The following PCDH11Y variants were observed in gnomAD, a reference collection of about 807,000 sequenced individuals.
The protein encoded by PCDH11Y is protocadherin 11 Y-linked.
For synonymous variants in PCDH11Y, 9 were observed against 83.6 expected (o/e 0.11, Z 4.87); for missense variants, 12 against 224.8 (o/e 0.05, Z 6.05).
At chrY:5,178,255 T>C in intron 2 of PCDH11Y, among the ~76,000 whole-genome samples, 1 of 33,606 alleles carries the variant, frequency 3.0e-5, no homozygotes, top group Admixed American at 2.7e-4. Flanking sequence ...TAACCACAAA[T>C]TGCTATCTAC....
chrY:5,545,319 A>AACTTTTT (rs2053412005), intron 3 of PCDH11Y, among the ~76,000 whole-genome samples: 1 of 32,025 alleles, frequency 3.1e-5, no homozygotes, highest in Non-Finnish European at 7.8e-5. Context: ...TGTCATTTAA[A>AACTTTTT]ACTTTTTAAA....
At chrY:5,383,309 C>T in intron 2 of PCDH11Y, among the ~76,000 whole-genome samples, 3 of 31,199 alleles carry the variant, frequency 9.6e-5, no homozygotes, top group Non-Finnish European at 2.3e-4. Flanking sequence ...TAGAGCCTGG[C>T]CAACATGGAG....
At chrY:5,384,275 C>G in intron 2 of PCDH11Y, among the ~76,000 whole-genome samples, 8 of 31,530 alleles carry the variant, frequency 2.5e-4, no homozygotes, top group Non-Finnish European at 3.8e-4. Context: ...TGTGTTCTCT[C>G]TCATGTGACC....
intron 1 of PCDH11Y, among the ~76,000 whole-genome samples, chrY:5,085,384 T>G: frequency 3.0e-5 from 1 of 33,693 alleles, no homozygotes; most frequent in South Asian, 6.4e-4. Flanking sequence ...TTACTTTTGA[T>G]TGGTTCATTG....
chrY:5,165,807 A>T, intron 2 of PCDH11Y, among the ~76,000 whole-genome samples: 1 of 33,091 alleles, frequency 3.0e-5, no homozygotes, highest in Admixed American at 2.8e-4. Context: ...TAACTGATAA[A>T]TCTCTAGCCA....
At chrY:5,737,166 A>G (rs1602965639) in intron 4 of PCDH11Y, 106 bp from the exon 6 acceptor site, 2 of 283,936 alleles carry the variant, frequency 7.0e-6, no homozygotes, top group African/African-American at 1.5e-4. Flanking sequence ...ATGCATTTGT[A>G]TATAGGTTGT....
At chrY:5,593,812 G>A in intron 4 of PCDH11Y, among the ~76,000 whole-genome samples, 2 of 31,889 alleles carry the variant, frequency 6.3e-5, no homozygotes, top group African/African-American at 2.5e-4. Context: ...TCTATACTAC[G>A]TGCTGTAACT....
chrY:5,597,311 G>A (rs2053467956), intron 4 of PCDH11Y, among the ~76,000 whole-genome samples: 6 of 23,950 alleles, frequency 2.5e-4, no homozygotes, highest in East Asian at 1.1e-3. Flanking sequence ...GTATATATAC[G>A]TATGTATATA....
chrY:5,513,204 T>G, intron 3 of PCDH11Y, among the ~76,000 whole-genome samples: 1 of 31,471 alleles, frequency 3.2e-5, no homozygotes, highest in African/African-American at 1.3e-4. Flanking sequence ...CTAATTTTTT[T>G]TTGTATTTTT....
intron 2 of PCDH11Y, among the ~76,000 whole-genome samples, chrY:5,436,345 A>T: frequency 3.0e-5 from 1 of 33,621 alleles, no homozygotes; most frequent in East Asian, 7.9e-4. Context: ...AATTACTATA[A>T]CATTTCCCAG....
chrY:5,670,616 A>AT (rs2053548207), intron 4 of PCDH11Y, among the ~76,000 whole-genome samples: 23 of 29,823 alleles, frequency 7.7e-4, no homozygotes, highest in South Asian at 2.1e-3. Flanking sequence ...TCTTTTGCCC[A>AT]TTTTTTTTTT....
At chrY:5,378,147 C>T in intron 2 of PCDH11Y, among the ~76,000 whole-genome samples, 2 of 32,433 alleles carry the variant, frequency 6.2e-5, no homozygotes, top group South Asian at 1.4e-3. Flanking sequence ...ATCTGACAAT[C>T]GACCTACAGG....
intron 4 of PCDH11Y, among the ~76,000 whole-genome samples, chrY:5,727,792 G>A: frequency 1.9e-4 from 6 of 32,298 alleles, no homozygotes; most frequent in Non-Finnish European, 3.1e-4. Flanking sequence ...TTATATTTAC[G>A]TACAATAAAA....
intron 2 of PCDH11Y, among the ~76,000 whole-genome samples, chrY:5,326,890 G>T (rs2053121770): frequency 3.0e-5 from 1 of 33,076 alleles, no homozygotes; most frequent in African/African-American, 1.2e-4. Flanking sequence ...GCAGACATGA[G>T]GGCTAGGCTA....
intron 4 of PCDH11Y, among the ~76,000 whole-genome samples, chrY:5,635,791 A>G: frequency 5.8e-5 from 2 of 34,263 alleles, no homozygotes; most frequent in African/African-American, 2.3e-4. Context: ...TATACTTTAC[A>G]TATAGGTTTA....
At chrY:5,007,888 T>A in intron 1 of PCDH11Y, among the ~76,000 whole-genome samples, 1 of 32,724 alleles carries the variant, frequency 3.1e-5, no homozygotes, top group Non-Finnish European at 7.5e-5. Context: ...AAGTTCTGAA[T>A]GTAAAAAGCA....
At chrY:5,362,067 T>C in intron 2 of PCDH11Y, among the ~76,000 whole-genome samples, 1 of 33,264 alleles carries the variant, frequency 3.0e-5, no homozygotes, top group Non-Finnish European at 7.4e-5. Flanking sequence ...TTCATATTTG[T>C]TTTAGTATAT....
chrY:5,292,247 A>T (rs376339616), intron 2 of PCDH11Y, among the ~76,000 whole-genome samples: 5 of 33,308 alleles, frequency 1.5e-4, no homozygotes, highest in Admixed American at 8.3e-4. Flanking sequence ...TTTTGGTATC[A>T]GGGTAATACT....
At chrY:5,465,732 A>T in intron 2 of PCDH11Y, among the ~76,000 whole-genome samples, 1 of 32,508 alleles carries the variant, frequency 3.1e-5, no homozygotes, top group Admixed American at 2.9e-4. Context: ...TTGCATGTTT[A>T]GTTACTGCAA....
Sources: allele counts gnomAD v4.1 joint callset (sites outside exome capture counted in the v4.1 genomes callset), GRCh38; gene constraint gnomAD v4.1.1; transcripts MANE v1.5; gene names NCBI Gene and HGNC (gene_info 2026-07-23, HGNC 2026-07-21).